UBE2E1: variants seen among roughly 807,000 people sequenced by gnomAD.
UBE2E1 encodes ubiquitin-conjugating enzyme E2 E1.
A neutral mutation model predicts 21.4 loss-of-function variants in UBE2E1; 6 were observed. That is an observed-to-expected ratio of 0.28 (90% CI 0.15 to 0.55). The LOEUF (loss-of-function observed/expected upper bound fraction) is 0.55. Among genes scored for constraint, UBE2E1 ranks in the 20% least tolerant of loss-of-function variants. The pLI is 0.93. For missense variants in UBE2E1, 142 were observed against 236.5 expected (o/e 0.60, Z 2.62); for synonymous variants, 87 against 82.7 (o/e 1.05, Z -0.28).
chr3:23,827,411 C>T (rs746039912), intron 3 of UBE2E1, among the ~76,000 whole-genome samples: 5 of 152,122 alleles, frequency 3.3e-5, no homozygotes, highest in Admixed American at 2.0e-4. Flanking sequence ...ACACTGTGTG[C>T]GGTGGAGATT....
At chr3:23,829,605 C>T (rs187140276) in intron 3 of UBE2E1, among the ~76,000 whole-genome samples, 6 of 152,216 alleles carry the variant, frequency 3.9e-5, no homozygotes, top group African/African-American at 1.4e-4. Flanking sequence ...ATACCTGCCC[C>T]TCTCCTGGAA....
At position 23,876,557 on chromosome 3, in the gene UBE2E1, A is replaced by T. The variant is rs931758433; in HGVS notation, c.204-11010A>T. Among the ~76,000 whole-genome samples the T allele has an allele frequency of 6.6e-6, 1 of 152,140 alleles. No individual in the cohort carries two copies. The highest frequency in any genetic ancestry group is 1.5e-5 in the Non-Finnish European group (1 of 68,030). On this transcript the variant is annotated intron_variant, in intron 3 of 5. Coordinates refer to ENST00000306627, the MANE Select transcript of UBE2E1 (RefSeq NM_003341.5). This position sits in a 1 kb window ranked among gnomAD's most constrained non-coding sequence, Gnocchi z 4.3. ...GTGGATTTTTAGTAGTGTGTTTGTC[A>T]TAGGGAATGTAGATGTAATTGGATT... is the stretch of plus-strand genomic sequence containing the variant.
intron 3 of UBE2E1, among the ~76,000 whole-genome samples, chr3:23,846,674 C>T (rs571582570): frequency 1.1e-3 from 127 of 120,362 alleles, no homozygotes; most frequent in African/African-American, 3.8e-3. Flanking sequence ...GCAGCCTGGG[C>T]GACAGAGCGA....
At chr3:23,828,521 TG>T (rs1281905697) in intron 3 of UBE2E1, among the ~76,000 whole-genome samples, 2 of 152,198 alleles carry the variant, frequency 1.3e-5, no homozygotes, top group Non-Finnish European at 2.9e-5. Flanking sequence ...GTAAAGGCGT[TG>T]GAGTTGATGC....
chr3:23,824,023 A>G (rs1276009938), intron 3 of UBE2E1, among the ~76,000 whole-genome samples: 2 of 152,220 alleles, frequency 1.3e-5, no homozygotes, highest in South Asian at 2.1e-4. Flanking sequence ...AGTAAATCAT[A>G]TATTGAGGAC....
intron 3 of UBE2E1, among the ~76,000 whole-genome samples, chr3:23,883,182 T>C (rs1701095425): frequency 6.6e-6 from 1 of 152,236 alleles, no homozygotes; most frequent in African/African-American, 2.4e-5. Context: ...TTAAATTACA[T>C]ACCATTCTAT....
chr3:23,843,789 GAGTC>G (rs1700140360), intron 3 of UBE2E1, among the ~76,000 whole-genome samples: 3 of 152,164 alleles, frequency 2.0e-5, no homozygotes, highest in Non-Finnish European at 2.9e-5. Context: ...CTGCCTTCTG[GAGTC>G]AGTATTTTCA....
chr3:23,857,804 G>A (rs1700473677), intron 3 of UBE2E1, among the ~76,000 whole-genome samples: 1 of 152,178 alleles, frequency 6.6e-6, no homozygotes, highest in South Asian at 2.1e-4. Context: ...GAGTGACAGA[G>A]GTGCCAGTAG....
At chr3:23,857,813 A>G (rs186374837) in intron 3 of UBE2E1, among the ~76,000 whole-genome samples, 1 of 152,308 alleles carries the variant, frequency 6.6e-6, no homozygotes, top group East Asian at 1.9e-4. Flanking sequence ...AGGTGCCAGT[A>G]GGCTATGAGA....
chr3:23,815,692 G>C (rs146080584), intron 3 of UBE2E1, among the ~76,000 whole-genome samples: 360 of 152,254 alleles, frequency 2.4e-3, no homozygotes, highest in African/African-American at 7.8e-3. Flanking sequence ...ACCTCGTCCA[G>C]GTTCAGCATG....
chr3:23,851,585 C>T (rs1700325712), intron 3 of UBE2E1, among the ~76,000 whole-genome samples: 1 of 152,094 alleles, frequency 6.6e-6, no homozygotes, highest in African/African-American at 2.4e-5. Flanking sequence ...GGAAAGATCA[C>T]TTGAGGCCAG....
At position 23,831,959 on chromosome 3, in the gene UBE2E1, G is replaced by A. The variant is rs573828456; in HGVS notation, c.203+20449G>A. ...AGGTGATTCGCCTGCCTCCGCCTCC[G>A]CCTCCCAAAGTGCTGAGGTTACAGA... On this transcript the variant is annotated intron_variant, in intron 3 of 5. Transcript: ENST00000306627. Among the ~76,000 whole-genome samples, 7 of 152,214 alleles carry A rather than the reference G, an allele frequency of 4.6e-5. No individual in the cohort carries two copies. The East Asian group carries it at 9.7e-4, about 21-fold the overall frequency.
chr3:23,855,645 T>C (rs930943699), intron 3 of UBE2E1, among the ~76,000 whole-genome samples: 8 of 151,810 alleles, frequency 5.3e-5, no homozygotes, highest in Non-Finnish European at 1.2e-4. Flanking sequence ...CTGGCTAACA[T>C]GATGAAACCC....
At chr3:23,889,650 T>TC (rs1361106532) in intron 5 of UBE2E1, 1 of 985,368 alleles carries the variant, frequency 1.0e-6, no homozygotes, top group African/African-American at 1.7e-5. Context: ...TGAGCATGTG[T>TC]CCCATAGCTG....
At chr3:23,855,919 C>T (rs952480500) in intron 3 of UBE2E1, among the ~76,000 whole-genome samples, 4 of 152,162 alleles carry the variant, frequency 2.6e-5, no homozygotes, top group South Asian at 4.1e-4. Flanking sequence ...GGTTCAGTTC[C>T]GTGAGGTGTG....
At chr3:23,844,022 T>C (rs1700145576) in intron 3 of UBE2E1, among the ~76,000 whole-genome samples, 1 of 152,174 alleles carries the variant, frequency 6.6e-6, no homozygotes, top group Non-Finnish European at 1.5e-5. Context: ...TTTATGCTCT[T>C]AGGGCTCCTT....
Position 23,863,665 on chromosome 3 carries a change from A to G in UBE2E1, c.204-23902A>G, listed in dbSNP as rs145086202. Among the ~76,000 whole-genome samples the G allele has an allele frequency of 4.2e-3, 637 of 152,078 alleles. 4 individuals carry two copies. The highest frequency in any genetic ancestry group is 0.011 in the South Asian group (52 of 4,816). On this transcript the variant is annotated intron_variant, in intron 3 of 5. Coordinates refer to ENST00000306627, the MANE Select transcript of UBE2E1 (RefSeq NM_003341.5). This position sits in a 1 kb window ranked among gnomAD's most constrained non-coding sequence, Gnocchi z 4.3. ...GCTGCCTCAGCCTCCCAAGTAGCTG[A>G]GATTACAGGCATGCGCCACCACGCC...
At chr3:23,878,842 A>G (rs773384274) in intron 3 of UBE2E1, 3 of 294,008 alleles carry the variant, frequency 1.0e-5, no homozygotes, top group Non-Finnish European at 2.0e-5. Context: ...ATTCTATATC[A>G]CAATGTAATA....
chr3:23,871,132 CCT>C (rs1480490024), intron 3 of UBE2E1, among the ~76,000 whole-genome samples: 2 of 152,190 alleles, frequency 1.3e-5, no homozygotes, highest in East Asian at 1.9e-4. Flanking sequence ...CCGCCTTTCC[CCT>C]CTTTCTATTC....
Sources: allele counts gnomAD v4.1 joint callset (sites outside exome capture counted in the v4.1 genomes callset), GRCh38; gene constraint gnomAD v4.1.1; non-coding constraint Gnocchi (gnomAD v3.1); transcripts MANE v1.5; gene names NCBI Gene and HGNC (gene_info 2026-07-23, HGNC 2026-07-21).